HDAC4: variants seen among roughly 807,000 people sequenced by gnomAD.
HDAC4 encodes histone deacetylase 4, also known as histone deacetylase A.
A neutral mutation model predicts 135.1 loss-of-function variants in HDAC4; 16 were observed. The observed-to-expected ratio is 0.12, with a 90% confidence interval of 0.08 to 0.18. The LOEUF (loss-of-function observed/expected upper bound fraction) is 0.18, where lower values mean the gene tolerates loss of function less well. Ranked by LOEUF, HDAC4 falls within the 10% of genes least tolerant of loss-of-function variation. The pLI is 1.00. For synonymous variants in HDAC4, 685 were observed against 653.4 expected, an observed-to-expected ratio of 1.05 and a Z score of -0.74; for missense variants, 1,143 against 1,511.8, an observed-to-expected ratio of 0.76 and a Z score of 4.05.
intron 2 of HDAC4, among the ~76,000 whole-genome samples, chr2:239,251,142 T>C (rs1371300038): frequency 6.6e-6 from 1 of 152,250 alleles, no homozygotes; most frequent in Admixed American, 6.5e-5. Flanking sequence ...CAAGACGTTT[T>C]ACTCTCCTTA....
chr2:239,293,085 C>T (rs1190395198), intron 2 of HDAC4, among the ~76,000 whole-genome samples: 1 of 152,208 alleles, frequency 6.6e-6, no homozygotes, highest in Non-Finnish European at 1.5e-5. Flanking sequence ...CCCAGGTAGC[C>T]CAGAATCCCT....
At chr2:239,088,999 C>T (rs1304573534) in intron 18 of HDAC4, among the ~76,000 whole-genome samples, 5 of 152,252 alleles carry the variant, frequency 3.3e-5, no homozygotes, top group Middle Eastern at 3.4e-3. Flanking sequence ...AACGAAGGAT[C>T]GATTTGATCT....
intron 2 of HDAC4, among the ~76,000 whole-genome samples, chr2:239,318,316 G>A (rs891251013): frequency 3.9e-5 from 6 of 152,218 alleles, no homozygotes; most frequent in Admixed American, 2.0e-4. Flanking sequence ...ATCCAATCAC[G>A]AGGAAACATG....
Position 239,110,226 on chromosome 2 carries a change from C to T in HDAC4, c.1978+1300G>A, listed in dbSNP as rs552895204. ...ACTGGGGAGTGGCATTACGGGCAAA[C>T]GGCATTTCCTGTGGGTTTCTATCAT... On this transcript the variant is annotated intron_variant, in intron 14 of 26. Coordinates refer to ENST00000543185, the MANE Select transcript of HDAC4 (RefSeq NM_001378414.1). Among the ~76,000 whole-genome samples, 6 of 152,316 alleles carry T rather than the reference C, an allele frequency of 3.9e-5. No individual in the cohort carries two copies. The South Asian group carries it at 1.0e-3, about 26-fold the overall frequency.
At chr2:239,200,036 C>T (rs1255263883) in intron 3 of HDAC4, among the ~76,000 whole-genome samples, 1 of 152,208 alleles carries the variant, frequency 6.6e-6, no homozygotes, top group Non-Finnish European at 1.5e-5. Flanking sequence ...CCGCGCCCAG[C>T]CCTCTTCCTG....
chr2:239,185,380 AG>A (rs1559195698), intron 4 of HDAC4, among the ~76,000 whole-genome samples: 1 of 149,130 alleles, frequency 6.7e-6, no homozygotes, highest in Non-Finnish European at 1.5e-5. Context: ...TGTGCCCTGC[AG>A]GGGGTGCCCC....
At chr2:239,261,878 C>A (rs1344903479) in intron 2 of HDAC4, among the ~76,000 whole-genome samples, 3 of 152,222 alleles carry the variant, frequency 2.0e-5, no homozygotes, top group Non-Finnish European at 4.4e-5. Flanking sequence ...GGAGGTTCTG[C>A]TGCCAGCCTG....
chr2:239,060,942 G>A (rs1426517544), intron 24 of HDAC4, among the ~76,000 whole-genome samples: 1 of 152,242 alleles, frequency 6.6e-6, no homozygotes, highest in African/African-American at 2.4e-5. Flanking sequence ...CGGCCCCGCT[G>A]TGTGTGGCCA....
At chr2:239,120,063 C>G (rs559409853) in intron 12 of HDAC4, among the ~76,000 whole-genome samples, 90 of 152,132 alleles carry the variant, frequency 5.9e-4, no homozygotes, top group African/African-American at 2.1e-3. Flanking sequence ...AGGGCCACCA[C>G]AGAGGAGGTG....
chr2:239,314,865 A>G (rs936749672), intron 2 of HDAC4, among the ~76,000 whole-genome samples: 7 of 152,218 alleles, frequency 4.6e-5, no homozygotes, highest in African/African-American at 1.7e-4. Context: ...AGCCAAGGGC[A>G]TTCCAACATT....
chr2:239,151,961 G>A lies in HDAC4; in HGVS notation c.733+4691C>T, dbSNP rs1294407935. ...AGGCCCAAGAAGCTGCTGACAAATG[G>A]GAACGAACTGTGCTGGCTGGACAAC... On this transcript the variant is annotated intron_variant, in intron 7 of 26. Coordinates refer to ENST00000543185, the MANE Select transcript of HDAC4 (RefSeq NM_001378414.1). 2.0e-5 allele frequency among the ~76,000 whole-genome samples: 3 copies of A among 152,122 alleles called. No individual in the cohort carries two copies. In the East Asian group the frequency reaches 5.8e-4, roughly 29 times the overall value.
intron 6 of HDAC4, among the ~76,000 whole-genome samples, chr2:239,158,824 C>T (rs1368188018): frequency 1.3e-5 from 2 of 152,076 alleles, no homozygotes; most frequent in East Asian, 1.9e-4. Context: ...ACCGCACACG[C>T]GTGCCCTCCG....
At chr2:239,379,412 C>T (rs1239666395) in intron 1 of HDAC4, among the ~76,000 whole-genome samples, 3 of 152,188 alleles carry the variant, frequency 2.0e-5, no homozygotes, top group Non-Finnish European at 4.4e-5. Flanking sequence ...CCCGTCTACC[C>T]GTTGTGGAGC....
At chr2:239,202,693 G>A (rs1473259572) in intron 3 of HDAC4, among the ~76,000 whole-genome samples, 5 of 152,128 alleles carry the variant, frequency 3.3e-5, no homozygotes, top group Non-Finnish European at 4.4e-5. Context: ...GAGAATCACC[G>A]TCCAGGAGAG....
intron 1 of HDAC4, among the ~76,000 whole-genome samples, chr2:239,356,307 A>G (rs1293015338): frequency 5.3e-5 from 8 of 152,222 alleles, no homozygotes; most frequent in South Asian, 2.1e-4. Flanking sequence ...AAGCCCAACT[A>G]TATCAGTGAG....
At chr2:239,099,285 G>A (rs1316692616) in intron 16 of HDAC4, among the ~76,000 whole-genome samples, 2 of 152,228 alleles carry the variant, frequency 1.3e-5, no homozygotes, top group Admixed American at 1.3e-4. Flanking sequence ...GAAGGTGTCA[G>A]GAGCAGCCGC....
At chr2:239,195,008 AG>A (rs2045280556) in intron 3 of HDAC4, among the ~76,000 whole-genome samples, 1 of 152,156 alleles carries the variant, frequency 6.6e-6, no homozygotes, top group South Asian at 2.1e-4. Flanking sequence ...CAGGGAGGCG[AG>A]GGGCCCTGCA....
chr2:239,114,568 C>T (rs2038960987), intron 13 of HDAC4, among the ~76,000 whole-genome samples: 1 of 152,224 alleles, frequency 6.6e-6, no homozygotes, highest in African/African-American at 2.4e-5. Context: ...TGCCCTGAAG[C>T]CTTACTGGCT....
chr2:239,361,079 C>A (rs187709766), intron 1 of HDAC4, among the ~76,000 whole-genome samples: 11 of 152,274 alleles, frequency 7.2e-5, no homozygotes, highest in Admixed American at 7.2e-4. Flanking sequence ...CAAGTTCTTT[C>A]CTTTTTCTGA....
Sources: allele counts gnomAD v4.1 joint callset (sites outside exome capture counted in the v4.1 genomes callset), GRCh38; gene constraint gnomAD v4.1.1; transcripts MANE v1.5; gene names NCBI Gene and HGNC (gene_info 2026-07-23, HGNC 2026-07-21).